SIDT2: variants seen among roughly 807,000 people sequenced by gnomAD.
SIDT2 encodes the protein SID1 transmembrane family member 2.
Under a neutral mutation model 114.4 loss-of-function variants are expected in SIDT2, and 68 were observed. That is an observed-to-expected ratio of 0.59 (90% confidence interval 0.49 to 0.73). SIDT2 has a LOEUF of 0.73. SIDT2 is among the 30% of genes least tolerant of loss of function. The pLI is 0.00. For missense variants in SIDT2, 918 were observed against 1,097.1 expected, an observed-to-expected ratio of 0.84 and a Z score of 2.31; for synonymous variants, 470 against 438.4, an observed-to-expected ratio of 1.07 and a Z score of -0.90.
Position 117,182,755 on chromosome 11 carries a change from C to T in SIDT2, c.651C>T (p.Ala217=). Residue 217 remains alanine, a synonymous_variant, in exon 6 of 26, where the codon GCC becomes GCT. Transcript: ENST00000324225. ...CPVYDLDNNV[A]FIGMYQTMTK... is the part of the protein sequence containing the mutation. ...TCTATGACCTGGACAACAACGTAGCCTTCATCGGCATGTACCAGACGATGA... is the reference window on the plus strand; with the variant it reads ...TCTATGACCTGGACAACAACGTAGCTTTCATCGGCATGTACCAGACGATGA... The T allele has an allele frequency of 6.2e-7, 1 of 1,614,218 alleles. No individual in the cohort carries two copies. The highest frequency in any genetic ancestry group is 8.5e-7 in the Non-Finnish European group (1 of 1,180,026).
rs2030895818 is a variant in SIDT2 at position 117,196,333 on chromosome 11, C to A, written c.*267C>A. 1.3e-5 allele frequency: 7 copies of A among 527,266 alleles called. No individual in the cohort carries two copies. The highest frequency in any genetic ancestry group is 6.4e-5 in the Admixed American group (2 of 31,028). 32.7% of individuals were successfully genotyped at this position (527,266 alleles called of 1,614,324 possible). ...TGCTGCTTTCTTCTCAGTGTTGGGG[C>A]CTTCCATGGGCCCCTGTCCTTTGGC... On this transcript the variant is annotated 3_prime_UTR_variant, in exon 26 of 26. Coordinates refer to ENST00000324225, the MANE Select transcript of SIDT2 (RefSeq NM_001040455.2). This position sits in a 1 kb window ranked among gnomAD's most constrained non-coding sequence, Gnocchi z 4.9.
In SIDT2 at chr11:117,188,784, A is replaced by G. The variant is rs371152013; in HGVS notation, c.1236A>G (p.Thr412=). The change falls in exon 13 of 26, where the codon ACA becomes ACG. Residue 412 remains threonine, a synonymous_variant. Coordinates refer to ENST00000324225, the MANE Select transcript of SIDT2 (RefSeq NM_001040455.2). This position sits in a 1 kb window ranked among gnomAD's most constrained non-coding sequence, Gnocchi z 4.0. ...CTGTGGAGGAGGATGACTACGACACATTGACCGACATCGATTCCGACAAGA... is the reference window on the plus strand; with the variant it reads ...CTGTGGAGGAGGATGACTACGACACGTTGACCGACATCGATTCCGACAAGA... ...MSSVEEDDYD[T]LTDIDSDKNV... The G allele has an allele frequency of 8.1e-6, 13 of 1,613,978 alleles. 1 individual carries two copies. The highest frequency in any genetic ancestry group is 5.3e-5 in the African/African-American group (4 of 74,904).
chr11:117,193,737 C>T, intron 23 of SIDT2, 116 bp from the exon 24 acceptor site: 1 of 693,210 alleles, frequency 1.4e-6, no homozygotes, highest in South Asian at 1.7e-5. Context: ...ATCCAAGGAG[C>T]AGTCCTGAAG....
chr11:117,184,139 T>G lies in SIDT2; in HGVS notation c.868T>G (p.Ser290Ala). 1 of 1,613,720 alleles carries G rather than the reference T, an allele frequency of 6.2e-7. No individual in the cohort carries two copies. The highest frequency in any genetic ancestry group is 8.5e-7 in the Non-Finnish European group (1 of 1,179,712). ...LSVLVSQAVT[S>A]EAYVSGMLFC... The stretch of plus-strand genomic sequence containing the variant: ...AGTGCTGGTGTCTCAAGCAGTCACG[T>G]GTGAGTGCTGCAGGTGGCTGAGAGG... Residue 290 changes from serine (S) to alanine (A), a missense_variant and splice_region_variant, in exon 8 of 26, where the codon TCT (serine) becomes GCT (alanine). By Grantham distance (99) the Ser-to-Ala change is moderately conservative. Transcript: ENST00000324225.
At chr11:117,187,522 G>GT in intron 11 of SIDT2, 73 bp downstream of exon 11, 1 of 1,597,286 alleles carries the variant, frequency 6.3e-7, no homozygotes, top group African/African-American at 1.3e-5. Context: ...CTCCGAGGCG[G>GT]TAAAGTGGGA....
intron 15 of SIDT2, 123 bp downstream of exon 15, chr11:117,189,524 T>A: frequency 9.4e-7 from 1 of 1,061,722 alleles, no homozygotes; most frequent in Non-Finnish European, 1.4e-6. Flanking sequence ...CAGCTCTGCC[T>A]TCCCAGCCGA....
At chr11:117,186,439 A>AG in intron 9 of SIDT2, 145 bp from the exon 10 acceptor site, 5 of 959,610 alleles carry the variant, frequency 5.2e-6, no homozygotes, top group South Asian at 4.7e-5. Flanking sequence ...GTTGCTCCCC[A>AG]GCCTGTGAGG....
chr11:117,193,913 G>A lies in SIDT2; in HGVS notation c.2272G>A (p.Val758Ile). Residue 758 changes from valine to isoleucine, a missense_variant, in exon 24 of 26, where the codon GTC (valine) becomes ATC (isoleucine). Physicochemically the swap from Val to Ile is conservative, Grantham distance 29 (BLOSUM62 3). Transcript: ENST00000324225. ...PLLCIVCTSV[V>I]WGFALFFFFQ... ...GCTCTGCATCGTTTGCACCTCCGTG[G>A]TCTGGGGCTTCGCGCTCTTCTTCTT... 6.2e-7 allele frequency: 1 copy of A among 1,614,132 alleles called. No individual in the cohort carries two copies. The highest frequency in any genetic ancestry group is 8.5e-7 in the Non-Finnish European group (1 of 1,180,028).
At chr11:117,181,145 A>G (rs933939636) in intron 1 of SIDT2, among the ~76,000 whole-genome samples, 2 of 152,072 alleles carry the variant, frequency 1.3e-5, no homozygotes, top group Non-Finnish European at 2.9e-5. Context: ...CAAGGCCTCC[A>G]CCGTGTTTCC....
In SIDT2 at chr11:117,192,624, C is replaced by T. The variant is rs149023473; in HGVS notation, c.2032C>T (p.Arg678Trp). 327 of 1,611,894 alleles carry T rather than the reference C, an allele frequency of 2.0e-4. 1 individual carries two copies. Among genetic ancestry groups the T allele is most frequent in the South Asian group, 9.7e-4 (88 of 91,092 alleles). Reference protein sequence around the residue: ...ILHVLYTDCIRQCSGPLYVDR... With the variant: ...ILHVLYTDCIWQCSGPLYVDR... ...CCACGTGCTCTACACAGACTGCATC[C>T]GGCAGTGCAGCGGGCCGCTCTACGT... Residue 678 changes from arginine to tryptophan, a missense_variant, in exon 21 of 26, where the codon CGG becomes TGG. Physicochemically the swap from Arg to Trp is moderately radical, Grantham distance 101. Around this residue, in one of 4 missense-constraint regions of SIDT2, gnomAD observed 275 missense variants for 397.6 expected, o/e 0.69. Coordinates refer to ENST00000324225, the MANE Select transcript of SIDT2 (RefSeq NM_001040455.2). This position sits in a 1 kb window ranked among gnomAD's most constrained non-coding sequence, Gnocchi z 5.9.
rs1368743279 is a variant in SIDT2 at position 117,192,588 on chromosome 11, C to T, written c.1996C>T (p.Arg666Cys). ...GRWKLDSGIF[R>C]RILHVLYTDC... Reference sequence around the variant, plus strand: ...TCTCTTCGCAGACTCGGGGATCTTCCGCCGCATCCTCCACGTGCTCTACAC... The same window carrying T: ...TCTCTTCGCAGACTCGGGGATCTTCTGCCGCATCCTCCACGTGCTCTACAC... Residue 666 changes from arginine to cysteine, a missense_variant, in exon 21 of 26, where the codon CGC becomes TGC. Transcript: ENST00000324225. The surrounding 1 kb of genome is among the most constrained non-coding windows in gnomAD (Gnocchi z 5.9). The T allele has an allele frequency of 2.3e-5, 37 of 1,608,484 alleles. No individual in the cohort carries two copies. Among genetic ancestry groups the T allele is most frequent in the Middle Eastern group, 1.6e-4 (1 of 6,080 alleles).
chr11:117,192,646 A>G lies in SIDT2; in HGVS notation c.2054A>G (p.Tyr685Cys), dbSNP rs1164959706. The change falls in exon 21 of 26, where the codon TAC (tyrosine) becomes TGC (cysteine). Residue 685 changes from tyrosine (Y) to cysteine (C), a missense_variant. Transcript: ENST00000324225. This position sits in a 1 kb window ranked among gnomAD's most constrained non-coding sequence, Gnocchi z 5.9. ...DCIRQCSGPL[Y>C]VDRMVLLVMG... ...ATCCGGCAGTGCAGCGGGCCGCTCT[A>G]CGTGGTACCTGCCTGGTTCCCCTGC... 1 of 1,612,518 alleles carries G rather than the reference A, an allele frequency of 6.2e-7. No individual in the cohort carries two copies.
At chr11:117,193,035 C>A (rs1364114187) in intron 22 of SIDT2, 118 bp from the exon 23 acceptor site, 4 of 1,333,082 alleles carry the variant, frequency 3.0e-6, no homozygotes, top group Non-Finnish European at 3.2e-6. Context: ...CTTCTAGAAT[C>A]TTCTGTGGGC....
At chr11:117,181,347 C>T (rs1434469989) in intron 1 of SIDT2, 69 bp from the exon 2 acceptor site, 66 of 1,519,476 alleles carry the variant, frequency 4.3e-5, no homozygotes, top group Non-Finnish European at 5.2e-5. Flanking sequence ...GAGGGCAGGG[C>T]TCATAGTCTC....
intron 15 of SIDT2, chr11:117,189,700 C>G: frequency 1.7e-6 from 1 of 600,912 alleles, no homozygotes; most frequent in South Asian, 2.0e-5. Context: ...TCCCTTTTCT[C>G]TGTCCCGTGG....
Position 117,188,790 on chromosome 11 carries a change from C to A in SIDT2, c.1242C>A (p.Thr414=). The A allele has an allele frequency of 6.2e-7, 1 of 1,614,140 alleles. No homozygotes were observed. Among genetic ancestry groups the A allele is most frequent in the South Asian group, 1.1e-5 (1 of 91,080 alleles). ...AGGAGGATGACTACGACACATTGAC[C>A]GACATCGATTCCGACAAGAATGTCA... ...SVEEDDYDTL[T]DIDSDKNVIR... is the part of the protein sequence containing the mutation. Residue 414 remains threonine, a synonymous_variant, in exon 13 of 26, where the codon ACC becomes ACA. Coordinates refer to ENST00000324225, the MANE Select transcript of SIDT2 (RefSeq NM_001040455.2). The surrounding 1 kb of genome is among the most constrained non-coding windows in gnomAD (Gnocchi z 4.0).
Position 117,190,857 on chromosome 11 carries a change from G to C in SIDT2, c.1735+117G>C, listed in dbSNP as rs551729866. 1.3e-6 allele frequency: 1 copy of C among 781,568 alleles called. No homozygotes were observed. The highest frequency in any genetic ancestry group is 1.6e-5 in the South Asian group (1 of 63,766). 48.4% of individuals were successfully genotyped at this position (781,568 alleles called of 1,614,324 possible). On this transcript the variant is annotated intron_variant, in intron 18 of 25. Transcript: ENST00000324225. This position sits in a 1 kb window ranked among gnomAD's most constrained non-coding sequence, Gnocchi z 4.1. ...AGACACCCCTGTAGGAAACTCCAAGGCTGGCGTGCCTGGGTGTGCACACAT... is the reference window on the plus strand; with the variant it reads ...AGACACCCCTGTAGGAAACTCCAAGCCTGGCGTGCCTGGGTGTGCACACAT...
At position 117,188,620 on chromosome 11, in the gene SIDT2, A is replaced by G; in HGVS notation, c.1160-88A>G. The G allele has an allele frequency of 9.6e-7, 1 of 1,042,722 alleles. No individual in the cohort carries two copies. Among genetic ancestry groups the G allele is most frequent in the Non-Finnish European group, 1.5e-6 (1 of 667,414 alleles). 64.6% of individuals were successfully genotyped at this position (1,042,722 alleles called of 1,614,324 possible). A position where few individuals can be genotyped will look rare whatever the true frequency, so the allele number is the denominator to read the frequency against. On this transcript the variant is annotated intron_variant, in intron 12 of 25. Transcript: ENST00000324225. This position sits in a 1 kb window ranked among gnomAD's most constrained non-coding sequence, Gnocchi z 4.0. ...ACAATTTGCCTCTTCCCTACTGCCT[A>G]ATAATTGTTACAATTGCCTCAGATG...
At position 117,196,288 on chromosome 11, in the gene SIDT2, C is replaced by A; in HGVS notation, c.*222C>A. Reference sequence around the variant, plus strand: ...GAGGAGCAGGCCTGCTCCCCTGGAACCCCCAGATGTTGGCCAAATTGCTGC... The same window carrying A: ...GAGGAGCAGGCCTGCTCCCCTGGAAACCCCAGATGTTGGCCAAATTGCTGC... On this transcript the variant is annotated 3_prime_UTR_variant, in exon 26 of 26. Coordinates refer to ENST00000324225, the MANE Select transcript of SIDT2 (RefSeq NM_001040455.2). The surrounding 1 kb of genome is among the most constrained non-coding windows in gnomAD (Gnocchi z 4.9). 1.6e-6 allele frequency: 1 copy of A among 613,774 alleles called. No individual in the cohort carries two copies. The highest frequency in any genetic ancestry group is 2.8e-6 in the Non-Finnish European group (1 of 353,886). 38.0% of individuals were successfully genotyped at this position (613,774 alleles called of 1,614,324 possible). A position where few individuals can be genotyped will look rare whatever the true frequency, so the allele number is the denominator to read the frequency against.
Sources: allele counts gnomAD v4.1 joint callset (sites outside exome capture counted in the v4.1 genomes callset), GRCh38; gene constraint gnomAD v4.1.1; regional missense constraint gnomAD v4.1.1; non-coding constraint Gnocchi (gnomAD v3.1); transcripts MANE v1.5; gene names NCBI Gene and HGNC (gene_info 2026-07-23, HGNC 2026-07-21).